The following SCTR variants were observed in gnomAD, a reference collection of about 807,000 sequenced individuals.
The protein encoded by SCTR is pancreatic secretin receptor.
Under a neutral mutation model 60.8 loss-of-function variants are expected in SCTR, and 56 were observed. That is an observed-to-expected ratio of 0.92 (90% CI 0.74 to 1.15). SCTR has a LOEUF of 1.15. SCTR is among the 50% of genes most tolerant of loss of function. The pLI, the probability that SCTR is intolerant of heterozygous loss-of-function variation, is 0.00. For synonymous variants in SCTR, 202 were observed against 217.0 expected (o/e 0.93, Z 0.61); for missense variants, 562 against 550.4 (o/e 1.02, Z -0.21).
At chr2:119,451,976 C>A in intron 9 of SCTR, 34 bp downstream of exon 9, 1 of 1,396,596 alleles carries the variant, frequency 7.2e-7, no homozygotes, top group Non-Finnish European at 1.0e-6. Flanking sequence ...GTCTCTCCCA[C>A]TGATCCCCAG....
At chr2:119,464,300 G>C (rs1319763662) in intron 5 of SCTR, 45 bp from the exon 6 acceptor site, 2 of 1,609,068 alleles carry the variant, frequency 1.2e-6, no homozygotes, top group South Asian at 2.2e-5. Flanking sequence ...AGCCTGAGGG[G>C]CTGGGACTCA....
intron 2 of SCTR, chr2:119,479,245 T>C: frequency 9.4e-7 from 1 of 1,069,048 alleles, no homozygotes; most frequent in East Asian, 6.9e-5. Flanking sequence ...ATGGCACATC[T>C]GTTGGCCAAT....
intron 4 of SCTR, 63 bp from the exon 5 acceptor site, chr2:119,465,949 C>T (rs1683817329): frequency 1.7e-6 from 2 of 1,190,102 alleles, no homozygotes; most frequent in Admixed American, 3.5e-5. Context: ...TTCTGTGCCT[C>T]ACTGCATCCG....
intron 7 of SCTR, among the ~76,000 whole-genome samples, chr2:119,460,139 A>T (rs1683543917): frequency 6.6e-6 from 1 of 151,574 alleles, no homozygotes; most frequent in Non-Finnish European, 1.5e-5. Flanking sequence ...CTGCCAGCTC[A>T]GGCAGCTCCC....
At chr2:119,442,574 C>G (rs190466934) in intron 11 of SCTR, among the ~76,000 whole-genome samples, 3 of 152,344 alleles carry the variant, frequency 2.0e-5, no homozygotes, top group Admixed American at 1.3e-4. Context: ...TACAACTTCT[C>G]AGGGATATTG....
intron 9 of SCTR, among the ~76,000 whole-genome samples, chr2:119,450,076 G>T (rs374081172): frequency 1.6e-4 from 19 of 121,594 alleles, no homozygotes; most frequent in African/African-American, 7.8e-4. Context: ...AAGAAAGAAA[G>T]AAAAATAAAT....
intron 2 of SCTR, chr2:119,479,588 T>A (rs1210993775): frequency 6.6e-6 from 1 of 152,326 alleles, no homozygotes; most frequent in Admixed American, 6.5e-5. Flanking sequence ...ATGCTGATGC[T>A]GTTTGTCCTG....
chr2:119,518,435 G>A (rs1679179981), intron 1 of SCTR, among the ~76,000 whole-genome samples: 2 of 150,610 alleles, frequency 1.3e-5, no homozygotes, highest in Non-Finnish European at 2.9e-5. Flanking sequence ...GGGAAGTGGG[G>A]TGGGGCATGG....
chr2:119,483,420 C>T (rs1209054131), intron 2 of SCTR, among the ~76,000 whole-genome samples: 2 of 152,182 alleles, frequency 1.3e-5, no homozygotes, highest in African/African-American at 2.4e-5. Context: ...AGGCTGCCTC[C>T]TCCAGGCTGG....
chr2:119,502,565 T>C (rs990827188), intron 1 of SCTR, among the ~76,000 whole-genome samples: 1 of 151,090 alleles, frequency 6.6e-6, no homozygotes, highest in African/African-American at 2.4e-5. Flanking sequence ...AAAAGAGGTG[T>C]TTTTTTTTAA....
chr2:119,461,904 C>A lies in SCTR; in HGVS notation c.733G>T (p.Ala245Ser), dbSNP rs139132516. The A allele has an allele frequency of 6.2e-7, 1 of 1,613,784 alleles. No homozygotes were observed. Among genetic ancestry groups the A allele is most frequent in the Non-Finnish European group, 8.5e-7 (1 of 1,179,906 alleles). Reference sequence around the variant, plus strand: ...TTTCTTTCAGAGAAGAAGGAGATGGCGAGGAGTGTGTGAAGGTAGAGGCCT... The same window carrying A: ...TTTCTTTCAGAGAAGAAGGAGATGGAGAGGAGTGTGTGAAGGTAGAGGCCT... ...VEGLYLHTLL[A>S]ISFFSERKYL... is the part of the protein sequence containing the mutation. The change falls in exon 7 of 13, where the codon GCC becomes TCC. Residue 245 changes from alanine (A) to serine (S), a missense_variant. Ala to Ser is a moderately conservative substitution (Grantham distance 99). Transcript: ENST00000019103.
At position 119,464,103 on chromosome 2, in the gene SCTR, G is replaced by A. The variant is rs370349935; in HGVS notation, c.636+20C>T. 1.9e-6 allele frequency: 3 copies of A among 1,613,432 alleles called. No homozygotes were observed. The African/African-American group carries it at 4.0e-5, about 22-fold the overall frequency. On this transcript the variant is annotated intron_variant, in intron 6 of 12. Coordinates refer to ENST00000019103, the MANE Select transcript of SCTR (RefSeq NM_002980.3). ...AGGCAGGCGGGCCTGGCGACATCCT[G>A]GGGCACCCAGACATATTACCCTGTG... is the stretch of plus-strand genomic sequence containing the variant.
At chr2:119,470,553 G>A (rs769423377) in intron 4 of SCTR, among the ~76,000 whole-genome samples, 10 of 152,120 alleles carry the variant, frequency 6.6e-5, no homozygotes, top group Non-Finnish European at 8.8e-5. Flanking sequence ...TCTGAGTTAA[G>A]TCCAAAGCGT....
chr2:119,488,242 G>C (rs1677963755), intron 2 of SCTR, among the ~76,000 whole-genome samples: 1 of 152,130 alleles, frequency 6.6e-6, no homozygotes, highest in Non-Finnish European at 1.5e-5. Flanking sequence ...ATGGGTGGGG[G>C]GCCAGCTGAG....
At chr2:119,487,172 C>G (rs1163318947) in intron 2 of SCTR, 1 of 152,066 alleles carries the variant, frequency 6.6e-6, no homozygotes, top group Non-Finnish European at 1.5e-5. Flanking sequence ...GGAGTGATGA[C>G]TTAATGGGTA....
At chr2:119,465,718 TG>T in intron 5 of SCTR, 70 bp downstream of exon 5, 2 of 993,074 alleles carry the variant, frequency 2.0e-6, no homozygotes, top group Non-Finnish European at 3.2e-6. Context: ...CTGTCCTGGG[TG>T]GTTGAGAAGA....
intron 2 of SCTR, among the ~76,000 whole-genome samples, chr2:119,485,078 C>A (rs1273890676): frequency 6.6e-6 from 1 of 152,324 alleles, no homozygotes; most frequent in South Asian, 2.1e-4. Context: ...CTGCCAGTCA[C>A]CACCTGTGAC....
At chr2:119,514,457 C>G (rs955015026) in intron 1 of SCTR, among the ~76,000 whole-genome samples, 2 of 152,146 alleles carry the variant, frequency 1.3e-5, no homozygotes, top group African/African-American at 4.8e-5. Context: ...GAAAGAATAA[C>G]AAAGAAGACA....
intron 7 of SCTR, among the ~76,000 whole-genome samples, chr2:119,460,813 T>G (rs1347716528): frequency 2.6e-5 from 4 of 152,164 alleles, no homozygotes; most frequent in Non-Finnish European, 4.4e-5. Context: ...CGAATTTCCT[T>G]TAGGAAGTCA....
Sources: allele counts gnomAD v4.1 joint callset (sites outside exome capture counted in the v4.1 genomes callset), GRCh38; gene constraint gnomAD v4.1.1; transcripts MANE v1.5; gene names NCBI Gene and HGNC (gene_info 2026-07-23, HGNC 2026-07-21).